The following IQCJ variants were observed in gnomAD, a reference collection of about 807,000 sequenced individuals.
The protein encoded by IQCJ is IQ motif containing J, also known as IQ domain-containing protein J.
A neutral mutation model predicts 11.0 loss-of-function variants in IQCJ; 9 were observed. That is an observed-to-expected ratio of 0.82 (90% CI 0.49 to 1.43). The LOEUF (loss-of-function observed/expected upper bound fraction) is 1.43, where lower values mean the gene tolerates loss of function less well. Ranked by LOEUF, IQCJ falls within the 40% of genes most tolerant of loss-of-function variation. IQCJ has a pLI of 0.00. For missense variants in IQCJ, 146 were observed against 133.2 expected, an observed-to-expected ratio of 1.10 and a Z score of -0.47; for synonymous variants, 55 against 51.3, an observed-to-expected ratio of 1.07 and a Z score of -0.31.
At chr3:159,086,890 C>A (rs7640482) in intron 1 of IQCJ, among the ~76,000 whole-genome samples, 109,001 of 151,550 alleles carry the variant, frequency 0.72, 39,412 homozygotes, top group East Asian at 0.83. Context: ...TCCTCTTTTC[C>A]TAATTGAATA....
intron 1 of IQCJ, among the ~76,000 whole-genome samples, chr3:159,115,414 G>A (rs1347402725): frequency 6.6e-6 from 1 of 152,180 alleles, no homozygotes; most frequent in Non-Finnish European, 1.5e-5. Flanking sequence ...TCAAAATTTG[G>A]TTTGGGAGCC....
chr3:159,121,975 T>A (rs1451425634), intron 1 of IQCJ, among the ~76,000 whole-genome samples: 1 of 152,230 alleles, frequency 6.6e-6, no homozygotes, highest in Non-Finnish European at 1.5e-5. Flanking sequence ...CAGAGTGTCA[T>A]AGACTGGATG....
chr3:159,069,465 G>T (rs201679020), intron 1 of IQCJ, 24 bp downstream of exon 1: 5 of 1,606,192 alleles, frequency 3.1e-6, no homozygotes, highest in Non-Finnish European at 4.2e-6. Context: ...TTTTCTAAAC[G>T]TGCCACTTTG....
intron 1 of IQCJ, among the ~76,000 whole-genome samples, chr3:159,164,334 A>G (rs1722045135): frequency 2.0e-5 from 3 of 152,170 alleles, no homozygotes; most frequent in Admixed American, 1.3e-4. Context: ...ATGTTCACAA[A>G]GTAGGGAGTG....
intron 1 of IQCJ, among the ~76,000 whole-genome samples, chr3:159,179,555 C>T (rs1722974363): frequency 1.3e-5 from 2 of 152,148 alleles, no homozygotes; most frequent in Non-Finnish European, 2.9e-5. Flanking sequence ...CATCTTCTCA[C>T]TGGAATCTAT....
intron 1 of IQCJ, among the ~76,000 whole-genome samples, chr3:159,226,940 A>G (rs989963714): frequency 6.6e-6 from 1 of 152,204 alleles, no homozygotes; most frequent in Admixed American, 6.5e-5. Context: ...GTATGTGTAC[A>G]TTCTCTAAAT....
At chr3:159,071,400 A>G (rs1320975621) in intron 1 of IQCJ, among the ~76,000 whole-genome samples, 5 of 152,036 alleles carry the variant, frequency 3.3e-5, no homozygotes, top group Non-Finnish European at 5.9e-5. Flanking sequence ...GTCTTATTCA[A>G]TGTAGGAATC....
chr3:159,111,522 T>G (rs758583635), intron 1 of IQCJ, among the ~76,000 whole-genome samples: 14 of 152,216 alleles, frequency 9.2e-5, no homozygotes, highest in Non-Finnish European at 1.5e-4. Flanking sequence ...GATGATAGTC[T>G]GCAGCTAATC....
chr3:159,162,269 A>G (rs1437770279), intron 1 of IQCJ, among the ~76,000 whole-genome samples: 1 of 152,112 alleles, frequency 6.6e-6, no homozygotes, highest in African/African-American at 2.4e-5. Flanking sequence ...CTGGATTCCT[A>G]GGTATTTTAT....
chr3:159,181,767 T>C (rs762158326), intron 1 of IQCJ, among the ~76,000 whole-genome samples: 24 of 151,838 alleles, frequency 1.6e-4, no homozygotes, highest in Non-Finnish European at 3.1e-4. Flanking sequence ...CTCTCTAATC[T>C]GTCCAATTCT....
chr3:159,163,945 G>A (rs758278504), intron 1 of IQCJ, among the ~76,000 whole-genome samples: 2 of 152,150 alleles, frequency 1.3e-5, no homozygotes, highest in Admixed American at 1.3e-4. Context: ...TAATTACATG[G>A]TGATTAACTG....
chr3:159,261,848 C>T (rs1324530290), intron 3 of IQCJ, among the ~76,000 whole-genome samples: 2 of 152,226 alleles, frequency 1.3e-5, no homozygotes, highest in African/African-American at 4.8e-5. Flanking sequence ...TGCCTAATGA[C>T]ATTACATTAA....
intron 1 of IQCJ, among the ~76,000 whole-genome samples, chr3:159,092,699 A>ACACACACACACACACAC (rs1553775246): frequency 1.2e-4 from 17 of 141,600 alleles, no homozygotes; most frequent in Non-Finnish European, 2.1e-4. Flanking sequence ...CTCCATCACA[A>ACACACACACACACACAC]ACACACACAC....
chr3:159,151,703 T>C (rs922298382), intron 1 of IQCJ, among the ~76,000 whole-genome samples: 1 of 152,218 alleles, frequency 6.6e-6, no homozygotes, highest in African/African-American at 2.4e-5. Context: ...TGGCGCTATA[T>C]TGGTTCACTG....
intron 1 of IQCJ, among the ~76,000 whole-genome samples, chr3:159,117,605 T>G (rs548687550): frequency 1.1e-4 from 17 of 152,320 alleles, no homozygotes; most frequent in African/African-American, 3.8e-4. Context: ...AAAAAGCTCT[T>G]GGCTCAGGTT....
intron 1 of IQCJ, among the ~76,000 whole-genome samples, chr3:159,212,054 A>C (rs1046663907): frequency 2.0e-5 from 3 of 151,300 alleles, no homozygotes; most frequent in African/African-American, 7.3e-5. Flanking sequence ...ACTAGATAAG[A>C]CCAAATGATG....
At chr3:159,130,266 A>G (rs1371976541) in intron 1 of IQCJ, among the ~76,000 whole-genome samples, 2 of 152,132 alleles carry the variant, frequency 1.3e-5, no homozygotes, top group African/African-American at 2.4e-5. Flanking sequence ...TCTTGAGTCT[A>G]TGCTGCTTGC....
intron 1 of IQCJ, among the ~76,000 whole-genome samples, chr3:159,175,953 C>T (rs1560013980): frequency 6.6e-6 from 1 of 152,138 alleles, no homozygotes; most frequent in African/African-American, 2.4e-5. Flanking sequence ...CCAGTTGTTC[C>T]ACATCTTTGT....
At chr3:159,265,367 C>G (rs1728443353), downstream of IQCJ, 1 of 1,613,394 alleles carries the variant, frequency 6.2e-7, no homozygotes, top group Middle Eastern at 1.7e-4. Flanking sequence ...TCAAGGAGCC[C>G]CAGATAGAAA....
Sources: allele counts gnomAD v4.1 joint callset (sites outside exome capture counted in the v4.1 genomes callset), GRCh38; gene constraint gnomAD v4.1.1; transcripts MANE v1.5; gene names NCBI Gene and HGNC (gene_info 2026-07-23, HGNC 2026-07-21).